Variants in BANK1 observed in about 807,000 individuals in gnomAD.
The protein encoded by BANK1 is B-cell scaffold protein with ankyrin repeats.
BANK1 carries 95 observed loss-of-function variants against 94.5 expected under a neutral mutation model. The observed-to-expected ratio is 1.00, with a 90% CI of 0.85 to 1.19. The LOEUF (loss-of-function observed/expected upper bound fraction) is 1.19, where lower values mean the gene tolerates loss of function less well. BANK1 is among the 50% of genes most tolerant of loss of function. The pLI is 0.00. For missense variants in BANK1, 987 were observed against 932.2 expected (o/e 1.06, Z -0.77); for synonymous variants, 334 against 308.4 (o/e 1.08, Z -0.87).
chr4:102,021,812 T>A (rs1216624377), intron 8 of BANK1, among the ~76,000 whole-genome samples: 1 of 152,062 alleles, frequency 6.6e-6, no homozygotes, highest in Non-Finnish European at 1.5e-5. Context: ...CAAATACTGA[T>A]TTTTCCTACC....
At chr4:101,934,373 T>TA (rs1723457701) in intron 7 of BANK1, among the ~76,000 whole-genome samples, 1 of 151,336 alleles carries the variant, frequency 6.6e-6, no homozygotes, top group Non-Finnish European at 1.5e-5. Flanking sequence ...ACTAAGAAGC[T>TA]ACGATGAGAA....
At chr4:101,944,442 T>C (rs886093799) in intron 7 of BANK1, among the ~76,000 whole-genome samples, 7 of 151,920 alleles carry the variant, frequency 4.6e-5, no homozygotes, top group African/African-American at 1.4e-4. Flanking sequence ...CCCTTTACAC[T>C]TGGTCAATTT....
At chr4:101,951,624 T>C (rs1386542709) in intron 7 of BANK1, among the ~76,000 whole-genome samples, 1 of 152,078 alleles carries the variant, frequency 6.6e-6, no homozygotes, top group Non-Finnish European at 1.5e-5. Context: ...TACTCATATA[T>C]ATAATGCGGA....
At chr4:102,059,891 G>A (rs1728353943) in intron 11 of BANK1, among the ~76,000 whole-genome samples, 1 of 152,136 alleles carries the variant, frequency 6.6e-6, no homozygotes, top group African/African-American at 2.4e-5. Flanking sequence ...TTTTGTGCAC[G>A]TGATCTCTGA....
chr4:102,061,105 A>G (rs182236224), intron 12 of BANK1, among the ~76,000 whole-genome samples: 82 of 152,352 alleles, frequency 5.4e-4, no homozygotes, highest in African/African-American at 1.8e-3. Flanking sequence ...CCAGTTCTAG[A>G]TAGCTGTTTG....
In BANK1 at chr4:101,986,873, A is replaced by ATG. The variant is rs1164357630; in HGVS notation, c.1207-34615_1207-34614dup. Among the ~76,000 whole-genome samples the ATG allele has an allele frequency of 4.3e-3, 201 of 46,886 alleles. 9 individuals are homozygous for ATG. Among genetic ancestry groups the ATG allele is most frequent in the Non-Finnish European group, 6.4e-3 (162 of 25,162 alleles). 30.8% of individuals were successfully genotyped at this position (46,886 alleles called of 152,430 possible). The stretch of plus-strand genomic sequence containing the variant: ...TATATATGTATATATATATGTGTGT[A>ATG]TGTGTGTGTGTGTGTGTGTGTGTGT... On this transcript the variant is annotated intron_variant, in intron 7 of 16. Transcript: ENST00000322953.
In BANK1 at chr4:102,012,537, T is replaced by C. The variant is rs1226474836; in HGVS notation, c.1207-8977T>C. On this transcript the variant is annotated intron_variant, in intron 7 of 16. Coordinates refer to ENST00000322953, the MANE Select transcript of BANK1 (RefSeq NM_017935.5). ...AATAACACTTATTTTCTGATAGTAATAATAGAAACTTAAAAGGTCTTTTGT... is the reference window on the plus strand; with the variant it reads ...AATAACACTTATTTTCTGATAGTAACAATAGAAACTTAAAAGGTCTTTTGT... 2.6e-5 allele frequency among the ~76,000 whole-genome samples: 4 copies of C among 152,306 alleles called. No homozygotes were observed. The East Asian group carries it at 7.7e-4, about 29-fold the overall frequency.
chr4:101,964,769 A>T, intron 7 of BANK1, among the ~76,000 whole-genome samples: 1 of 151,554 alleles, frequency 6.6e-6, no homozygotes, highest in Non-Finnish European at 1.5e-5. Flanking sequence ...ATTCTTTTTT[A>T]TTATTATTAT....
chr4:101,790,905 G>C lies in BANK1; in HGVS notation c.25G>C (p.Gly9Arg), dbSNP rs766984744. 1 of 1,538,272 alleles carries C rather than the reference G, an allele frequency of 6.5e-7. No individual in the cohort carries two copies. Among genetic ancestry groups the C allele is most frequent in the Non-Finnish European group, 8.7e-7 (1 of 1,146,802 alleles). The part of the protein sequence containing the change: MLPAAPGK[G>R]LGSPDPAPCG... ...AATGCTGCCAGCAGCGCCAGGCAAG[G>C]GGCTTGGGAGCCCGGACCCCGCCCC... Residue 9 changes from glycine (G) to arginine (R), a missense_variant, in exon 1 of 17, where the codon GGG (glycine) becomes CGG (arginine). Physicochemically the swap from Gly to Arg is moderately radical, Grantham distance 125. Coordinates refer to ENST00000322953, the MANE Select transcript of BANK1 (RefSeq NM_017935.5).
chr4:101,991,408 A>G (rs1473819352), intron 7 of BANK1, among the ~76,000 whole-genome samples: 2 of 152,232 alleles, frequency 1.3e-5, no homozygotes, highest in African/African-American at 4.8e-5. Context: ...TAAGCTCTTT[A>G]TATTCCTGGG....
intron 7 of BANK1, among the ~76,000 whole-genome samples, chr4:102,006,822 A>G (rs1578450528): frequency 6.6e-6 from 1 of 151,336 alleles, no homozygotes; most frequent in South Asian, 2.1e-4. Flanking sequence ...TTGTTTAGCT[A>G]GTGCAGTTCT....
chr4:101,938,792 CT>C (rs1358804317), intron 7 of BANK1, among the ~76,000 whole-genome samples: 2 of 151,558 alleles, frequency 1.3e-5, no homozygotes, highest in African/African-American at 4.8e-5. Flanking sequence ...TATATGTTCT[CT>C]GTTCATATCC....
rs953732928 is a variant in BANK1 at position 101,827,990 on chromosome 4, C to T, written c.71-1818C>T. On this transcript the variant is annotated intron_variant, in intron 1 of 16. Transcript: ENST00000322953. ...GTTAGTCTGACTCTTCTCTTATTCT[C>T]CAGGATATTTAAATCTCAACTTGTC... Among the ~76,000 whole-genome samples, 40 of 151,718 alleles carry T rather than the reference C, an allele frequency of 2.6e-4. 1 individual carries two copies. Among genetic ancestry groups the T allele is most frequent in the Admixed American group, 6.6e-5 (1 of 15,240 alleles).
chr4:101,803,352 G>A (rs1371606848), intron 1 of BANK1, among the ~76,000 whole-genome samples: 1 of 152,164 alleles, frequency 6.6e-6, no homozygotes, highest in Non-Finnish European at 1.5e-5. Context: ...AGGGGCTATA[G>A]TATAGGGAAA....
intron 7 of BANK1, among the ~76,000 whole-genome samples, chr4:101,919,602 C>T (rs1193690246): frequency 6.6e-6 from 1 of 151,964 alleles, no homozygotes; most frequent in Non-Finnish European, 1.5e-5. Flanking sequence ...ATCTAGGTGA[C>T]AATCACTTTT....
intron 1 of BANK1, among the ~76,000 whole-genome samples, chr4:101,806,366 A>C (rs1335999920): frequency 5.9e-5 from 9 of 152,172 alleles, no homozygotes; most frequent in Non-Finnish European, 1.2e-4. Flanking sequence ...TAAAAAATTA[A>C]GATCCTTGAT....
At chr4:102,007,067 T>G (rs1274221372) in intron 7 of BANK1, among the ~76,000 whole-genome samples, 2 of 97,294 alleles carry the variant, frequency 2.1e-5, no homozygotes, top group African/African-American at 8.3e-5. Context: ...AATATATAAT[T>G]TTATATATAT....
chr4:101,852,500 A>G (rs1009724725), intron 2 of BANK1, among the ~76,000 whole-genome samples: 2 of 106,452 alleles, frequency 1.9e-5, no homozygotes, highest in African/African-American at 3.8e-5. Flanking sequence ...ATATATATAT[A>G]TATACACACA....
chr4:101,936,319 A>G (rs577225612), intron 7 of BANK1, among the ~76,000 whole-genome samples: 136 of 150,422 alleles, frequency 9.0e-4, no homozygotes, highest in African/African-American at 3.1e-3. Flanking sequence ...ATGTACACAT[A>G]TGTATCCATA....
Sources: allele counts gnomAD v4.1 joint callset (sites outside exome capture counted in the v4.1 genomes callset), GRCh38; gene constraint gnomAD v4.1.1; transcripts MANE v1.5; gene names NCBI Gene and HGNC (gene_info 2026-07-23, HGNC 2026-07-21).